The following KCNIP4 variants were observed in gnomAD, a reference collection of about 807,000 sequenced individuals.
KCNIP4 encodes Kv channel-interacting protein 4.
In KCNIP4, 12 loss-of-function variants were observed where a neutral mutation model predicts 34.0. The observed-to-expected ratio is 0.35, with a 90% CI of 0.23 to 0.57. The LOEUF is 0.57. Among genes scored for constraint, KCNIP4 ranks in the 20% least tolerant of loss-of-function variants. The pLI is 0.83. For missense variants in KCNIP4, 238 were observed against 311.7 expected, an observed-to-expected ratio of 0.76 and a Z score of 1.78; for synonymous variants, 124 against 102.2, an observed-to-expected ratio of 1.21 and a Z score of -1.29.
At chr4:21,553,406 C>T (rs1738737414) in intron 1 of KCNIP4, among the ~76,000 whole-genome samples, 1 of 152,126 alleles carries the variant, frequency 6.6e-6, no homozygotes, top group East Asian at 1.9e-4. Flanking sequence ...CTTACACTCC[C>T]GATGGAGGTC....
At chr4:21,416,144 T>C (rs1032315896) in intron 1 of KCNIP4, among the ~76,000 whole-genome samples, 5 of 152,226 alleles carry the variant, frequency 3.3e-5, no homozygotes, top group African/African-American at 1.2e-4. Flanking sequence ...GAAAGTCATA[T>C]CAAGTGGCTC....
At chr4:21,865,127 TA>T (rs747629667) in intron 1 of KCNIP4, among the ~76,000 whole-genome samples, 1 of 151,716 alleles carries the variant, frequency 6.6e-6, no homozygotes, top group Admixed American at 6.6e-5. Context: ...AGTCAAATTT[TA>T]AAAAAAAGCT....
At chr4:21,909,322 T>C (rs188130578) in intron 1 of KCNIP4, among the ~76,000 whole-genome samples, 3 of 152,216 alleles carry the variant, frequency 2.0e-5, no homozygotes, top group African/African-American at 7.2e-5. Context: ...AATTCTTCAG[T>C]CAGCCCAGGC....
At chr4:21,044,010 A>T (rs1171128162) in intron 1 of KCNIP4, among the ~76,000 whole-genome samples, 1 of 152,114 alleles carries the variant, frequency 6.6e-6, no homozygotes, top group Non-Finnish European at 1.5e-5. Flanking sequence ...CCATGTCATA[A>T]TTCTGGAGTA....
intron 1 of KCNIP4, among the ~76,000 whole-genome samples, chr4:21,175,122 T>A (rs1347385143): frequency 7.9e-6 from 1 of 126,840 alleles, no homozygotes; most frequent in Non-Finnish European, 1.7e-5. Context: ...GCTTCTTTTT[T>A]CTTAGATAAT....
At chr4:21,801,314 C>T (rs1720979155) in intron 1 of KCNIP4, among the ~76,000 whole-genome samples, 1 of 151,894 alleles carries the variant, frequency 6.6e-6, no homozygotes, top group Non-Finnish European at 1.5e-5. Flanking sequence ...TAGACAAGAC[C>T]CCGTTGAATT....
chr4:21,010,512 T>C (rs1373506989), intron 1 of KCNIP4, among the ~76,000 whole-genome samples: 2 of 152,168 alleles, frequency 1.3e-5, no homozygotes, highest in Non-Finnish European at 1.5e-5. Flanking sequence ...GGAAAATCCC[T>C]GACCTTTATG....
intron 1 of KCNIP4, among the ~76,000 whole-genome samples, chr4:21,288,103 G>C (rs953194408): frequency 6.6e-6 from 1 of 152,192 alleles, no homozygotes; most frequent in Admixed American, 6.5e-5. Context: ...TTTTCTACCA[G>C]TGGCAAGATT....
chr4:21,048,977 G>C (rs1212488163), intron 1 of KCNIP4, among the ~76,000 whole-genome samples: 2 of 132,994 alleles, frequency 1.5e-5, no homozygotes, highest in African/African-American at 2.9e-5. Flanking sequence ...TTGAGACGGA[G>C]TCTCGCTCTG....
At chr4:21,386,558 C>A (rs2109496027) in intron 1 of KCNIP4, among the ~76,000 whole-genome samples, 1 of 152,298 alleles carries the variant, frequency 6.6e-6, no homozygotes, top group African/African-American at 2.4e-5. Context: ...TAAAATATTT[C>A]TGAGGATTAC....
intron 3 of KCNIP4, among the ~76,000 whole-genome samples, chr4:20,764,145 T>G (rs1466300333): frequency 1.3e-5 from 2 of 152,148 alleles, no homozygotes; most frequent in Non-Finnish European, 1.5e-5. Flanking sequence ...AAATTTTGTC[T>G]GATTATTAGC....
chr4:21,788,483 C>T (rs1290564236), intron 1 of KCNIP4, among the ~76,000 whole-genome samples: 3 of 152,184 alleles, frequency 2.0e-5, no homozygotes, highest in African/African-American at 7.2e-5. Flanking sequence ...CCTCTAACCT[C>T]ATCTACAGCC....
chr4:20,786,676 G>A (rs767235368), intron 3 of KCNIP4, among the ~76,000 whole-genome samples: 2 of 152,032 alleles, frequency 1.3e-5, no homozygotes, highest in African/African-American at 4.8e-5. Flanking sequence ...ACAATTTCTT[G>A]CTCATTTAGA....
intron 3 of KCNIP4, among the ~76,000 whole-genome samples, chr4:20,796,828 T>C (rs1713538057): frequency 6.6e-6 from 1 of 152,210 alleles, no homozygotes; most frequent in Non-Finnish European, 1.5e-5. Flanking sequence ...GGTTTGTTAC[T>C]TGAATACTAA....
At chr4:21,713,102 A>G (rs560288631) in intron 1 of KCNIP4, among the ~76,000 whole-genome samples, 70 of 152,332 alleles carry the variant, frequency 4.6e-4, no homozygotes, top group African/African-American at 1.7e-3. Context: ...TAAAATGCCT[A>G]GGCCTCAATT....
chr4:21,103,067 TA>T (rs1166584670), intron 1 of KCNIP4, among the ~76,000 whole-genome samples: 1 of 152,042 alleles, frequency 6.6e-6, no homozygotes, highest in African/African-American at 2.4e-5. Context: ...GTTTTACTGG[TA>T]GGGCTTTTAA....
intron 1 of KCNIP4, among the ~76,000 whole-genome samples, chr4:21,509,510 G>A (rs967328686): frequency 6.6e-6 from 1 of 152,060 alleles, no homozygotes; most frequent in Non-Finnish European, 1.5e-5. Context: ...GCATTTGCTG[G>A]AACAAGAGTG....
chr4:20,983,946 C>G, intron 1 of KCNIP4: 6 of 1,535,918 alleles, frequency 3.9e-6, no homozygotes, highest in Non-Finnish European at 5.2e-6. Context: ...GGCAGAGCAT[C>G]CCAGCCTCCA....
chr4:21,455,549 T>G (rs919055149), intron 1 of KCNIP4, among the ~76,000 whole-genome samples: 8 of 151,260 alleles, frequency 5.3e-5, no homozygotes, highest in Admixed American at 5.3e-4. Context: ...GATAAATAGA[T>G]AGATATGTAG....
Sources: gnomAD v4.1 joint callset for allele counts (sites outside exome capture counted in the v4.1 genomes callset) on GRCh38, gnomAD v4.1.1 for gene constraint, MANE v1.5 for transcripts, NCBI Gene and HGNC (gene_info 2026-07-23, HGNC 2026-07-21) for gene names.